Variants in CLPTM1 observed in about 807,000 individuals in gnomAD.
CLPTM1 encodes the protein putative lipid scramblase CLPTM1.
CLPTM1 carries 21 observed loss-of-function variants against 77.3 expected under a neutral mutation model. The ratio of observed to expected loss-of-function variants is 0.27; its 90% CI spans 0.19 to 0.39. CLPTM1 has a LOEUF of 0.39. Among genes scored for constraint, CLPTM1 ranks in the 10% least tolerant of loss-of-function variants. The pLI is 1.00. For synonymous variants in CLPTM1, 373 were observed against 381.0 expected, an observed-to-expected ratio of 0.98 and a Z score of 0.24; for missense variants, 642 against 921.2, an observed-to-expected ratio of 0.70 and a Z score of 3.92.
intron 1 of CLPTM1, 22 bp downstream of exon 1, chr19:44,955,489 T>A (rs1453507147): frequency 7.8e-7 from 1 of 1,284,486 alleles, no homozygotes. Flanking sequence ...GAGAGGGGAC[T>A]GAGGGGGTTC....
upstream of CLPTM1, chr19:44,955,306 G>T: frequency 7.1e-7 from 1 of 1,414,434 alleles, no homozygotes. Context: ...GCCCGGCGGG[G>T]CTAGGAAAGC....
At chr19:44,977,277 C>A (rs1970819347) in intron 4 of CLPTM1, 66 bp from the exon 5 acceptor site, 2 of 1,168,212 alleles carry the variant, frequency 1.7e-6, no homozygotes, top group Non-Finnish European at 1.3e-6. Flanking sequence ...GGGTGCCAGG[C>A]AGGGCTTTAA....
intron 2 of CLPTM1, among the ~76,000 whole-genome samples, chr19:44,969,790 C>T (rs1424127941): frequency 2.0e-5 from 3 of 151,018 alleles, no homozygotes; most frequent in Admixed American, 6.6e-5. Flanking sequence ...CAGGTTCAAG[C>T]GATTCTTTTG....
chr19:44,972,404 T>G (rs577489059), intron 2 of CLPTM1, among the ~76,000 whole-genome samples: 4 of 151,802 alleles, frequency 2.6e-5, no homozygotes, highest in Non-Finnish European at 5.9e-5. Context: ...CCCGCCACCA[T>G]GCCCAGCTAA....
Position 44,985,267 on chromosome 19 carries a change from G to A in CLPTM1, c.636G>A (p.Leu212=), listed in dbSNP as rs1970960129. The change falls in exon 6 of 14, where the codon CTG becomes CTA. Residue 212 remains leucine (L), a synonymous_variant. Transcript: ENST00000337392. The stretch of plus-strand genomic sequence containing the variant: ...GATTTCAGAAAACCAAGAACCTGCT[G>A]ACAGGAGAGACAGAAGCGGACCCAG... ...RRRFQKTKNL[L]TGETEADPEM... 1 of 1,613,712 alleles carries A rather than the reference G, an allele frequency of 6.2e-7. No homozygotes were observed. The highest frequency in any genetic ancestry group is 2.2e-5 in the East Asian group (1 of 44,896).
intron 9 of CLPTM1, among the ~76,000 whole-genome samples, chr19:44,989,076 GGGA>G (rs1290560233): frequency 1.3e-5 from 2 of 152,150 alleles, no homozygotes; most frequent in Admixed American, 1.3e-4. Flanking sequence ...TCAGCTACTC[GGGA>G]GGCTTGGGCC....
At position 44,993,039 on chromosome 19, in the gene CLPTM1, G is replaced by A. The variant is rs770925083; in HGVS notation, c.*142G>A. On this transcript the variant is annotated 3_prime_UTR_variant, in exon 14 of 14. Coordinates refer to ENST00000337392, the MANE Select transcript of CLPTM1 (RefSeq NM_001294.4). ...GGCCCGCCTCAGGTCAGGGCCCAGC[G>A]TGTGATGTAGGGGCCGGGGCAGGCC... 1.1e-5 allele frequency: 12 copies of A among 1,048,154 alleles called. No homozygotes were observed. The highest frequency in any genetic ancestry group is 5.0e-5 in the East Asian group (2 of 39,624). The allele number at this position is 1,048,154 out of a possible 1,614,324, so 64.9% of individuals were successfully genotyped here. A position where few individuals can be genotyped will look rare whatever the true frequency, so the allele number is the denominator to read the frequency against.
chr19:44,975,606 C>A lies in CLPTM1; in HGVS notation c.468+1009C>A, dbSNP rs370092190. 5.9e-5 allele frequency among the ~76,000 whole-genome samples: 9 copies of A among 151,942 alleles called. No homozygotes were observed. In the East Asian group the frequency reaches 7.7e-4, roughly 13 times the overall value. On this transcript the variant is annotated intron_variant, in intron 4 of 13. Coordinates refer to ENST00000337392, the MANE Select transcript of CLPTM1 (RefSeq NM_001294.4). ...TTGAGACAGCGTCTCGCTCTGTCAC[C>A]CAGTCTGGAGGGCAGTGGCGCAACC...
intron 2 of CLPTM1, among the ~76,000 whole-genome samples, chr19:44,969,925 T>C (rs888211348): frequency 1.4e-5 from 2 of 147,580 alleles, no homozygotes; most frequent in South Asian, 2.1e-4. Context: ...TGACCTCAAG[T>C]GTTGGCTTCC....
intron 4 of CLPTM1, 147 bp from the exon 5 acceptor site, chr19:44,977,196 C>T (rs1307797835): frequency 1.5e-6 from 1 of 672,500 alleles, no homozygotes; most frequent in East Asian, 2.6e-5. Context: ...TCTCTGCCAC[C>T]CAGCTACATG....
At chr19:44,957,173 C>G (rs559144979) in intron 1 of CLPTM1, among the ~76,000 whole-genome samples, 1 of 152,356 alleles carries the variant, frequency 6.6e-6, no homozygotes, top group East Asian at 1.9e-4. Context: ...TTCTAAACCT[C>G]TTTTATTGCC....
chr19:44,991,026 T>G lies in CLPTM1; in HGVS notation c.1419+81T>G. ...TGAGGCACCCGGGGCCGGCCATCTG[T>G]CTGCCGGACCCATGCTTTACAGCCT... On this transcript the variant is annotated intron_variant, in intron 11 of 13. Coordinates refer to ENST00000337392, the MANE Select transcript of CLPTM1 (RefSeq NM_001294.4). The surrounding 1 kb of genome is among the most constrained non-coding windows in gnomAD (Gnocchi z 5.4). 7.4e-7 allele frequency: 1 copy of G among 1,344,890 alleles called. No homozygotes were observed. The highest frequency in any genetic ancestry group is 1.1e-6 in the Non-Finnish European group (1 of 949,940). 83.3% of individuals were successfully genotyped at this position (1,344,890 alleles called of 1,614,324 possible).
intron 5 of CLPTM1, among the ~76,000 whole-genome samples, chr19:44,978,749 C>T (rs981275280): frequency 9.9e-5 from 15 of 152,102 alleles, no homozygotes; most frequent in South Asian, 4.1e-4. Flanking sequence ...GGAGGGTCCT[C>T]ATGACCCAGT....
At position 44,959,904 on chromosome 19, in the gene CLPTM1, C is replaced by T. The variant is rs533207724; in HGVS notation, c.73-2059C>T. Among the ~76,000 whole-genome samples, 13 of 152,234 alleles carry T rather than the reference C, an allele frequency of 8.5e-5. No individual in the cohort carries two copies. In the East Asian group the frequency reaches 1.4e-3, roughly 16 times the overall value. On this transcript the variant is annotated intron_variant, in intron 1 of 13. Transcript: ENST00000337392. ...TCATTGTGGTTTTAACTTGCCTTTCCGTGGGAAGGTTCCCAGCCAGATTGC... is the reference window on the plus strand; with the variant it reads ...TCATTGTGGTTTTAACTTGCCTTTCTGTGGGAAGGTTCCCAGCCAGATTGC...
At chr19:44,973,763 T>TTTTTTGTTTTTGTTTTTG (rs1568384894) in intron 3 of CLPTM1, among the ~76,000 whole-genome samples, 1 of 61,520 alleles carries the variant, frequency 1.6e-5, no homozygotes, top group African/African-American at 4.4e-5. Context: ...CACAGTGGGT[T>TTTTTTGTTTTTGTTTTTG]TTTTTTTTTT....
chr19:44,967,096 C>T (rs969963186), intron 2 of CLPTM1, among the ~76,000 whole-genome samples: 1 of 152,162 alleles, frequency 6.6e-6, no homozygotes, highest in African/African-American at 2.4e-5. Flanking sequence ...GCACCTCGGG[C>T]TCCCAAAGTG....
intron 2 of CLPTM1, among the ~76,000 whole-genome samples, chr19:44,965,745 C>T (rs533173666): frequency 1.1e-4 from 16 of 152,256 alleles, no homozygotes; most frequent in East Asian, 1.9e-4. Flanking sequence ...ACCCAGGAGG[C>T]GGAGCTTACA....
intron 5 of CLPTM1, among the ~76,000 whole-genome samples, chr19:44,981,841 G>A (rs575595379): frequency 6.6e-6 from 1 of 151,916 alleles, no homozygotes; most frequent in East Asian, 1.9e-4. Flanking sequence ...AGCCCAGGAG[G>A]TTGAGGCTGC....
chr19:44,977,098 G>A (rs531202130), intron 4 of CLPTM1, among the ~76,000 whole-genome samples: 1 of 152,106 alleles, frequency 6.6e-6, no homozygotes, highest in Non-Finnish European at 1.5e-5. Context: ...TCCTCTAGGT[G>A]GGGCCCTGAG....
Sources: gnomAD v4.1 joint callset for allele counts (sites outside exome capture counted in the v4.1 genomes callset) on GRCh38, gnomAD v4.1.1 for gene constraint, Gnocchi (gnomAD v3.1) non-coding constraint, MANE v1.5 for transcripts, NCBI Gene and HGNC (gene_info 2026-07-23, HGNC 2026-07-21) for gene names.